ROBO2: variants seen among roughly 807,000 people sequenced by gnomAD.
ROBO2 encodes roundabout guidance receptor 2, also known as roundabout homolog 2.
In ROBO2, 53 loss-of-function variants were observed where a neutral mutation model predicts 160.8. The ratio of observed to expected loss-of-function variants is 0.33; its 90% CI spans 0.26 to 0.41. ROBO2 has a LOEUF of 0.41. Among genes scored for constraint, ROBO2 ranks in the 10% least tolerant of loss-of-function variants. The pLI is 1.00. For missense variants in ROBO2, 1,577 were observed against 1,722.4 expected, an observed-to-expected ratio of 0.92 and a Z score of 1.49; for synonymous variants, 664 against 611.7, an observed-to-expected ratio of 1.09 and a Z score of -1.26.
intron 2 of ROBO2, among the ~76,000 whole-genome samples, chr3:76,565,310 C>T (rs1416851651): frequency 6.6e-6 from 1 of 152,086 alleles, no homozygotes; most frequent in African/African-American, 2.4e-5. Flanking sequence ...AATAACTTTA[C>T]CTCAATAGAA....
Position 77,064,245 on chromosome 3 carries a change from A to G in ROBO2, c.61+23399A>G, listed in dbSNP as rs76620260. ...AAAAGTAAGGTGTAAACATTAGTTT[A>G]TAAAAGTTTGTAAGACAAAATTCAA... On this transcript the variant is annotated intron_variant, in intron 1 of 25. Transcript: ENST00000461745. Among the ~76,000 whole-genome samples, 620 of 152,296 alleles carry G rather than the reference A, an allele frequency of 4.1e-3. 4 individuals carry two copies. Among genetic ancestry groups the G allele is most frequent in the African/African-American group, 0.014 (583 of 41,570 alleles).
chr3:76,456,019 ACAATACATGTCT>A, intron 2 of ROBO2, among the ~76,000 whole-genome samples: 1 of 152,194 alleles, frequency 6.6e-6, no homozygotes, highest in South Asian at 2.1e-4. Flanking sequence ...TGATAATAAG[ACAATACATGTCT>A]CATTAGCATG....
intron 2 of ROBO2, among the ~76,000 whole-genome samples, chr3:75,963,887 T>C (rs1424721361): frequency 6.6e-6 from 1 of 151,798 alleles, no homozygotes; most frequent in Non-Finnish European, 1.5e-5. Flanking sequence ...TTTTATTTTA[T>C]ATGGACATCA....
chr3:76,133,289 C>T (rs1339874968), intron 2 of ROBO2, among the ~76,000 whole-genome samples: 2 of 151,958 alleles, frequency 1.3e-5, no homozygotes, highest in African/African-American at 4.8e-5. Context: ...GGATTGTATT[C>T]TTCCCAAAAG....
At position 76,660,947 on chromosome 3, in the gene ROBO2, T is replaced by G. The variant is rs141332343; in HGVS notation, c.110-437067T>G. Among the ~76,000 whole-genome samples the G allele has an allele frequency of 1.7e-3, 259 of 152,286 alleles. 5 individuals carry two copies. The East Asian group carries it at 0.038, about 22-fold the overall frequency. On this transcript the variant is annotated intron_variant, in intron 2 of 26. Coordinates refer to the ROBO2 transcript ENST00000487694. Reference sequence around the variant, plus strand: ...TAGGTAGAAAAATGAGGATGTATTTTTTCTTAAAAATATTAAAATATGAAG... The same window carrying G: ...TAGGTAGAAAAATGAGGATGTATTTGTTCTTAAAAATATTAAAATATGAAG...
intron 1 of ROBO2, among the ~76,000 whole-genome samples, chr3:77,046,926 C>T (rs1578499030): frequency 6.6e-6 from 1 of 152,160 alleles, no homozygotes; most frequent in Non-Finnish European, 1.5e-5. Context: ...ATGTTCAAGT[C>T]ACTAGAATAA....
chr3:76,282,161 A>G (rs1708266615), intron 2 of ROBO2, among the ~76,000 whole-genome samples: 1 of 152,026 alleles, frequency 6.6e-6, no homozygotes, highest in Admixed American at 6.6e-5. Flanking sequence ...CTTTACCTGC[A>G]TAAGAACTAT....
Position 77,555,541 on chromosome 3 carries a change from G to T in ROBO2, c.1232-2403G>T, listed in dbSNP as rs568646037. Reference sequence around the variant, plus strand: ...CAATATATTTCTCTAAAAGACTTCCGCATTAGTTCACTGGCATTGTTCTGT... The same window carrying T: ...CAATATATTTCTCTAAAAGACTTCCTCATTAGTTCACTGGCATTGTTCTGT... On this transcript the variant is annotated intron_variant, in intron 8 of 25. Coordinates refer to ENST00000461745, the Ensembl canonical transcript of ROBO2. 4.6e-5 allele frequency among the ~76,000 whole-genome samples: 7 copies of T among 151,326 alleles called. No homozygotes were observed. In the South Asian group the frequency reaches 1.5e-3, roughly 32 times the overall value.
chr3:76,276,754 A>G (rs1236449826), intron 2 of ROBO2, among the ~76,000 whole-genome samples: 1 of 152,022 alleles, frequency 6.6e-6, no homozygotes, highest in Non-Finnish European at 1.5e-5. Context: ...ACATTGAACA[A>G]CAAGAAGTCT....
At chr3:77,029,811 A>G (rs1022911256) in intron 2 of ROBO2, among the ~76,000 whole-genome samples, 4 of 152,226 alleles carry the variant, frequency 2.6e-5, no homozygotes, top group African/African-American at 7.2e-5. Flanking sequence ...ACAATATCTA[A>G]ATTACCAAAG....
At chr3:77,114,451 A>T (rs1428569591) in intron 2 of ROBO2, among the ~76,000 whole-genome samples, 6 of 151,984 alleles carry the variant, frequency 3.9e-5, no homozygotes, top group Non-Finnish European at 7.4e-5. Flanking sequence ...GCATTTCTTT[A>T]TGTGTCTTAT....
intron 2 of ROBO2, among the ~76,000 whole-genome samples, chr3:76,357,419 T>G (rs2108348784): frequency 6.6e-6 from 1 of 152,048 alleles, no homozygotes; most frequent in East Asian, 1.9e-4. Flanking sequence ...CTCAAAAATG[T>G]AAAGAAAAGA....
At chr3:77,229,449 G>T (rs2086889694) in intron 2 of ROBO2, among the ~76,000 whole-genome samples, 1 of 151,956 alleles carries the variant, frequency 6.6e-6, no homozygotes, top group South Asian at 2.1e-4. Flanking sequence ...TTGGGAGGCC[G>T]AGGCAGGTGG....
At chr3:76,558,928 A>G (rs1014780971) in intron 2 of ROBO2, among the ~76,000 whole-genome samples, 2 of 152,154 alleles carry the variant, frequency 1.3e-5, no homozygotes, top group African/African-American at 4.8e-5. Flanking sequence ...GGTATTCAGC[A>G]TCTTTGGTAT....
chr3:77,016,111 G>A (rs888686090), intron 2 of ROBO2, among the ~76,000 whole-genome samples: 1 of 151,970 alleles, frequency 6.6e-6, no homozygotes, highest in South Asian at 2.1e-4. Context: ...CGAGTAGCTG[G>A]GACTACAGGC....
At chr3:76,885,863 C>A (rs570514638) in intron 2 of ROBO2, among the ~76,000 whole-genome samples, 2 of 152,092 alleles carry the variant, frequency 1.3e-5, no homozygotes, top group Admixed American at 1.3e-4. Flanking sequence ...TCCTCTTGTT[C>A]CTGAGACAAG....
intron 2 of ROBO2, among the ~76,000 whole-genome samples, chr3:77,444,003 T>G (rs1455677481): frequency 2.6e-5 from 4 of 152,208 alleles, no homozygotes; most frequent in Non-Finnish European, 5.9e-5. Context: ...AGATAATGTC[T>G]CTAATTAGCC....
chr3:77,272,972 T>C (rs914263822), intron 2 of ROBO2, among the ~76,000 whole-genome samples: 11 of 152,310 alleles, frequency 7.2e-5, no homozygotes, highest in South Asian at 4.1e-4. Context: ...TCTCAGTTTT[T>C]ATTTTAGATT....
intron 2 of ROBO2, among the ~76,000 whole-genome samples, chr3:76,563,792 G>A (rs1373861998): frequency 6.6e-6 from 1 of 152,024 alleles, no homozygotes; most frequent in African/African-American, 2.4e-5. Flanking sequence ...AATGTTCAGT[G>A]TCTACACGAT....
Sources: allele counts gnomAD v4.1 joint callset (sites outside exome capture counted in the v4.1 genomes callset), GRCh38; gene constraint gnomAD v4.1.1; transcripts MANE v1.5; gene names NCBI Gene and HGNC (gene_info 2026-07-23, HGNC 2026-07-21).